The following GSG1L variants were observed in gnomAD, a reference collection of about 807,000 sequenced individuals.
The protein encoded by GSG1L is germ cell-specific gene 1-like protein.
In GSG1L, 24 loss-of-function variants were observed where a neutral mutation model predicts 42.1. The observed-to-expected ratio is 0.57, with a 90% CI of 0.41 to 0.80. The LOEUF (loss-of-function observed/expected upper bound fraction) is 0.80, where lower values mean the gene tolerates loss of function less well. Ranked by LOEUF, GSG1L falls within the 30% of genes least tolerant of loss-of-function variation. GSG1L has a pLI of 0.00. For missense variants in GSG1L, 445 were observed against 472.2 expected, an observed-to-expected ratio of 0.94 and a Z score of 0.53; for synonymous variants, 215 against 203.5, an observed-to-expected ratio of 1.06 and a Z score of -0.48.
intron 2 of GSG1L, among the ~76,000 whole-genome samples, chr16:27,960,819 G>C (rs540309006): frequency 6.6e-6 from 1 of 152,076 alleles, no homozygotes; most frequent in Non-Finnish European, 1.5e-5. Flanking sequence ...CAGCACCTCA[G>C]TGGCAAAGCC....
chr16:27,899,068 G>A (rs1263748653), intron 2 of GSG1L, among the ~76,000 whole-genome samples: 1 of 152,232 alleles, frequency 6.6e-6, no homozygotes, highest in Non-Finnish European at 1.5e-5. Context: ...ACACAGATGG[G>A]CAAGGCTCGG....
chr16:27,993,321 T>G (rs892638153), intron 1 of GSG1L, among the ~76,000 whole-genome samples: 3 of 152,128 alleles, frequency 2.0e-5, no homozygotes, highest in Non-Finnish European at 4.4e-5. Context: ...GCTAATTTTT[T>G]GTATTTTTAG....
chr16:27,997,856 CT>C (rs35354576), intron 1 of GSG1L, among the ~76,000 whole-genome samples: 6,078 of 84,954 alleles, frequency 0.072, 121 homozygotes, highest in Admixed American at 0.13. Flanking sequence ...ACCCTCTCCA[CT>C]TTTTTTTTTT....
intron 5 of GSG1L, among the ~76,000 whole-genome samples, chr16:27,808,793 T>C (rs928826488): frequency 1.3e-5 from 2 of 152,204 alleles, no homozygotes; most frequent in African/African-American, 4.8e-5. Context: ...GTGGTTTCTC[T>C]CTCCTCCATC....
chr16:27,945,313 C>A (rs1267320152), intron 2 of GSG1L, among the ~76,000 whole-genome samples: 1 of 152,094 alleles, frequency 6.6e-6, no homozygotes, highest in Non-Finnish European at 1.5e-5. Context: ...TCAGAAATTT[C>A]TTTAATGTAA....
At chr16:27,993,642 A>T (rs1270238852) in intron 1 of GSG1L, among the ~76,000 whole-genome samples, 1 of 152,146 alleles carries the variant, frequency 6.6e-6, no homozygotes, top group Non-Finnish European at 1.5e-5. Flanking sequence ...AGAGAGGAGA[A>T]AGGAAGAAGC....
At chr16:27,850,715 A>G in intron 3 of GSG1L, 6 of 386,284 alleles carry the variant, frequency 1.6e-5, no homozygotes, top group South Asian at 9.7e-5. Flanking sequence ...TGGGGGTGAT[A>G]GCTGGAGAGG....
intron 2 of GSG1L, among the ~76,000 whole-genome samples, chr16:27,941,448 A>G (rs1337929529): frequency 6.7e-6 from 1 of 148,964 alleles, no homozygotes; most frequent in East Asian, 2.0e-4. Flanking sequence ...AGGCGGGTGG[A>G]TCACCTGAGT....
intron 2 of GSG1L, among the ~76,000 whole-genome samples, chr16:27,931,549 T>C (rs1420063769): frequency 2.6e-5 from 4 of 152,232 alleles, no homozygotes; most frequent in South Asian, 2.1e-4. Flanking sequence ...ACTGATTAGA[T>C]AGGCAAACAG....
intron 3 of GSG1L, among the ~76,000 whole-genome samples, chr16:27,862,251 T>C (rs2083663388): frequency 6.6e-6 from 1 of 152,188 alleles, no homozygotes; most frequent in South Asian, 2.1e-4. Flanking sequence ...AGTAGCCATA[T>C]TTGAGGTCCA....
At chr16:27,853,358 T>C (rs1179958755) in intron 3 of GSG1L, among the ~76,000 whole-genome samples, 2 of 152,182 alleles carry the variant, frequency 1.3e-5, no homozygotes, top group Non-Finnish European at 2.9e-5. Flanking sequence ...TTAGACACCC[T>C]CTTGAGAACC....
intron 2 of GSG1L, among the ~76,000 whole-genome samples, chr16:27,951,136 T>C (rs923297831): frequency 2.6e-5 from 4 of 152,024 alleles, no homozygotes; most frequent in Admixed American, 6.6e-5. Flanking sequence ...GAAAGCGAGG[T>C]TGCAGTCTGC....
intron 5 of GSG1L, chr16:27,823,770 A>G (rs982786915): frequency 4.4e-6 from 3 of 687,336 alleles, no homozygotes. Context: ...CTAGCTCAAT[A>G]CCCAGCAGAG....
chr16:28,036,197 C>T (rs2086033940), intron 1 of GSG1L, among the ~76,000 whole-genome samples: 1 of 152,124 alleles, frequency 6.6e-6, no homozygotes, highest in Non-Finnish European at 1.5e-5. Context: ...TCGCCTGGCT[C>T]CCCACCACGT....
intron 2 of GSG1L, among the ~76,000 whole-genome samples, chr16:27,958,876 T>C (rs1318331456): frequency 1.3e-5 from 2 of 152,158 alleles, no homozygotes; most frequent in Non-Finnish European, 2.9e-5. Flanking sequence ...GATTTCACCA[T>C]GTTGGCCAGG....
intron 3 of GSG1L, among the ~76,000 whole-genome samples, chr16:27,873,489 A>C (rs1567498294): frequency 6.6e-6 from 1 of 152,218 alleles, no homozygotes; most frequent in African/African-American, 2.4e-5. Context: ...TTTAGACCCA[A>C]GGATTTCAGA....
rs955600529 is a variant in GSG1L at position 27,792,199 on chromosome 16, G to A, written c.899-732C>T. On this transcript the variant is annotated intron_variant, in intron 6 of 6. Transcript: ENST00000447459. Reference sequence around the variant, plus strand: ...CCATTTGCCTTATATGTGTTCAGGAGCTGTTGTGTACGGATATTAGAAGGG... The same window carrying A: ...CCATTTGCCTTATATGTGTTCAGGAACTGTTGTGTACGGATATTAGAAGGG... 2.0e-5 allele frequency among the ~76,000 whole-genome samples: 3 copies of A among 152,290 alleles called. No individual in the cohort carries two copies. In the East Asian group the frequency reaches 5.8e-4, roughly 29 times the overall value.
intron 3 of GSG1L, among the ~76,000 whole-genome samples, chr16:27,859,094 G>A (rs1371439260): frequency 1.3e-5 from 2 of 152,042 alleles, no homozygotes; most frequent in African/African-American, 4.8e-5. Context: ...CTGTTGCTAT[G>A]AGGAGCCACG....
chr16:27,844,563 C>T (rs1026843918), intron 4 of GSG1L, among the ~76,000 whole-genome samples: 7 of 152,214 alleles, frequency 4.6e-5, no homozygotes, highest in Admixed American at 2.6e-4. Context: ...TTAAAGCAGC[C>T]GTGGATAATA....
Sources: gnomAD v4.1 joint callset for allele counts (sites outside exome capture counted in the v4.1 genomes callset) on GRCh38, gnomAD v4.1.1 for gene constraint, MANE v1.5 for transcripts, NCBI Gene and HGNC (gene_info 2026-07-23, HGNC 2026-07-21) for gene names.